GPC3: variants seen among roughly 807,000 people sequenced by gnomAD.
GPC3 encodes glypican 3.
Under a neutral mutation model 34.4 loss-of-function variants are expected in GPC3, and 3 were observed. The observed-to-expected ratio is 0.09, with a 90% CI of 0.04 to 0.23. The LOEUF (loss-of-function observed/expected upper bound fraction) is 0.23, where lower values mean the gene tolerates loss of function less well. Ranked by LOEUF, GPC3 falls within the 10% of genes least tolerant of loss-of-function variation. The pLI is 1.00. For synonymous variants in GPC3, 177 were observed against 174.0 expected (o/e 1.02, Z -0.13); for missense variants, 351 against 445.6 (o/e 0.79, Z 1.91).
chrX:133,866,842 G>A (rs2075969824), intron 2 of GPC3, among the ~76,000 whole-genome samples: 1 of 110,849 alleles, frequency 9.0e-6, no homozygotes, highest in Non-Finnish European at 1.9e-5. Context: ...GGGACCAACC[G>A]TACAGAGAAA....
intron 7 of GPC3, among the ~76,000 whole-genome samples, chrX:133,561,145 C>T (rs1299045972): frequency 8.9e-6 from 1 of 112,513 alleles, no homozygotes. Context: ...AATACCAACT[C>T]ACCTTAGCTG....
chrX:133,805,408 G>C (rs1176656369), intron 2 of GPC3, among the ~76,000 whole-genome samples: 1 of 111,812 alleles, frequency 8.9e-6, no homozygotes, highest in Non-Finnish European at 1.9e-5. Context: ...GCCTAGGACT[G>C]GGGGACAGTG....
chrX:133,980,161 T>C (rs1325932586), intron 1 of GPC3, among the ~76,000 whole-genome samples: 9 of 112,334 alleles, frequency 8.0e-5, no homozygotes, highest in Admixed American at 6.6e-4. Flanking sequence ...ACTAAGCCAG[T>C]CATAACAATG....
chrX:133,592,328 G>A (rs1001429494), intron 7 of GPC3, among the ~76,000 whole-genome samples: 31 of 80,199 alleles, frequency 3.9e-4, no homozygotes, highest in Non-Finnish European at 6.3e-4. Context: ...TCCCCGCCCT[G>A]TGTCCAAGTG....
At chrX:133,940,702 A>G (rs143700253) in intron 2 of GPC3, among the ~76,000 whole-genome samples, 91 of 112,037 alleles carry the variant, frequency 8.1e-4, no homozygotes, top group African/African-American at 2.8e-3. Flanking sequence ...CATCAAAACA[A>G]AAACAAAAAA....
intron 2 of GPC3, among the ~76,000 whole-genome samples, chrX:133,854,809 C>T (rs2075892143): frequency 8.9e-6 from 1 of 111,974 alleles, no homozygotes; most frequent in African/African-American, 3.2e-5. Flanking sequence ...TTATACACTG[C>T]TAGTGAAAAT....
chrX:133,629,908 G>A (rs747261984), intron 6 of GPC3, among the ~76,000 whole-genome samples: 1 of 109,319 alleles, frequency 9.1e-6, no homozygotes, highest in Admixed American at 9.8e-5. Flanking sequence ...TACAAAATTA[G>A]TCAGGCATGG....
At chrX:133,805,158 CTGAT>C (rs978907478) in intron 2 of GPC3, among the ~76,000 whole-genome samples, 1 of 112,032 alleles carries the variant, frequency 8.9e-6, no homozygotes, top group Non-Finnish European at 1.9e-5. Context: ...GTTTAATTAT[CTGAT>C]TATTTTGTCT....
chrX:133,562,194 ATATT>A (rs1331918020), intron 7 of GPC3, among the ~76,000 whole-genome samples: 2 of 111,819 alleles, frequency 1.8e-5, no homozygotes, highest in Non-Finnish European at 3.8e-5. Context: ...GTACCTTGGA[ATATT>A]TATGTGAAAT....
chrX:133,796,156 A>T (rs1016995534), intron 2 of GPC3, among the ~76,000 whole-genome samples: 2 of 109,895 alleles, frequency 1.8e-5, no homozygotes, highest in Non-Finnish European at 3.8e-5. Context: ...CGTGTTAGCC[A>T]GGATGGTCTC....
rs1569406961 is a variant in GPC3, at chrX:133,655,503, CA to C, written c.1413+6226del. Reference sequence around the variant, plus strand: ...ACACACACACACACACACACACACACACCCACACACACACACACACACACAT... The same window carrying C: ...ACACACACACACACACACACACACACCCCACACACACACACACACACACAT... On this transcript the variant is annotated intron_variant, in intron 6 of 7. Transcript: ENST00000370818. Among the ~76,000 whole-genome samples, 226 of 106,055 alleles carry C rather than the reference CA, an allele frequency of 2.1e-3. 1 individual carries two copies. Among genetic ancestry groups the C allele is most frequent in the African/African-American group, 7.7e-3 (208 of 26,978 alleles). The allele number at this position is 106,055 out of a possible 115,157, so 92.1% of individuals were successfully genotyped here.
At chrX:133,719,261 A>C (rs1294655265) in intron 3 of GPC3, among the ~76,000 whole-genome samples, 3 of 112,285 alleles carry the variant, frequency 2.7e-5, no homozygotes. Flanking sequence ...TAAAATTAGA[A>C]AACAATAACA....
At chrX:133,685,306 A>G (rs2070988527) in intron 5 of GPC3, among the ~76,000 whole-genome samples, 1 of 111,559 alleles carries the variant, frequency 9.0e-6, no homozygotes, top group African/African-American at 3.3e-5. Context: ...GTTCTCTCAT[A>G]TTCACTTCAA....
chrX:133,916,144 CAAAAA>C (rs774691093), intron 2 of GPC3, among the ~76,000 whole-genome samples: 1 of 31,142 alleles, frequency 3.2e-5, no homozygotes, highest in Non-Finnish European at 6.3e-5. Flanking sequence ...GACTCTGTCT[CAAAAA>C]AAAAAAAAAA....
intron 2 of GPC3, among the ~76,000 whole-genome samples, chrX:133,823,128 CAAAAAAAAAAAAAAAAAAAA>C (rs34231185): frequency 2.1e-4 from 4 of 18,859 alleles, no homozygotes; most frequent in African/African-American, 6.5e-4. Flanking sequence ...GACTCCGTCT[CAAAAAAAAAAAAAAAAAAAA>C]AAAAAAAAAA....
At chrX:133,564,793 T>C (rs1484248097) in intron 7 of GPC3, among the ~76,000 whole-genome samples, 1 of 111,977 alleles carries the variant, frequency 8.9e-6, no homozygotes, top group Admixed American at 9.5e-5. Flanking sequence ...CTGACCTCCA[T>C]CGGCCCTCAT....
rs185353783 is a variant in GPC3, at chrX:133,916,627, C to T, written c.337+36423G>A. On this transcript the variant is annotated intron_variant, in intron 2 of 7. Transcript: ENST00000370818. ...GGCATGGTGGCTCACATCCGTAATCCGAGGACTTTGGGAGGCAAAAGCAGG... is the reference window on the plus strand; with the variant it reads ...GGCATGGTGGCTCACATCCGTAATCTGAGGACTTTGGGAGGCAAAAGCAGG... Among the ~76,000 whole-genome samples, 10 of 111,440 alleles carry T rather than the reference C, an allele frequency of 9.0e-5. No homozygotes were observed. The East Asian group carries it at 1.4e-3, about 16-fold the overall frequency.
At chrX:133,897,211 T>C (rs1223695655) in intron 2 of GPC3, among the ~76,000 whole-genome samples, 2 of 101,215 alleles carry the variant, frequency 2.0e-5, no homozygotes, top group East Asian at 3.2e-4. Context: ...CGGCCTTTTT[T>C]TTTTTTTTTT....
At chrX:133,863,093 T>C (rs1297145627) in intron 2 of GPC3, among the ~76,000 whole-genome samples, 1 of 112,775 alleles carries the variant, frequency 8.9e-6, no homozygotes, top group Non-Finnish European at 1.9e-5. Context: ...TGTTAGACAT[T>C]AATGAAAACA....
Sources: gnomAD v4.1 joint callset for allele counts (sites outside exome capture counted in the v4.1 genomes callset) on GRCh38, gnomAD v4.1.1 for gene constraint, MANE v1.5 for transcripts, NCBI Gene and HGNC (gene_info 2026-07-23, HGNC 2026-07-21) for gene names.